The following MTBP variants were observed in gnomAD, a reference collection of about 807,000 sequenced individuals.
MTBP encodes MDM2 binding protein.
Under a neutral mutation model 117.0 loss-of-function variants are expected in MTBP, and 101 were observed. The ratio of observed to expected loss-of-function variants is 0.86; its 90% CI spans 0.73 to 1.02. The LOEUF is 1.02. Ranked by LOEUF, MTBP falls within the 50% of genes least tolerant of loss-of-function variation. The probability of loss-of-function intolerance (pLI) is 0.00; values close to 1 mark genes in which losing one functional copy is unlikely to be tolerated. For missense variants in MTBP, 970 were observed against 1,030.9 expected (o/e 0.94, Z 0.81); for synonymous variants, 350 against 351.5 (o/e 1.00, Z 0.05).
chr8:120,518,880 A>T lies in MTBP; in HGVS notation c.2610+63A>T, dbSNP rs547038561. The T allele has an allele frequency of 1.9e-5, 22 of 1,141,514 alleles. No homozygotes were observed. The East Asian group carries it at 4.9e-4, about 26-fold the overall frequency. The allele number at this position is 1,141,514 out of a possible 1,614,324, so 70.7% of individuals were successfully genotyped here. A position where few individuals can be genotyped will look rare whatever the true frequency, so the allele number is the denominator to read the frequency against. ...ATGTTCTAATGTTCCTGTTTGACAT[A>T]AAAAAAAGTTTGAGTATTTTTTATA... On this transcript the variant is annotated intron_variant, in intron 20 of 21. Transcript: ENST00000305949.
At position 120,470,783 on chromosome 8, in the gene MTBP, A is replaced by G. The variant is rs922477266; in HGVS notation, c.1048-37A>G. On this transcript the variant is annotated intron_variant, in intron 10 of 21. Transcript: ENST00000305949. The stretch of plus-strand genomic sequence containing the variant: ...TGGCACTATTCAAGAATGAATCTCA[A>G]TGTGCAATCAATAAAAATATGGTCT... 2.8e-6 allele frequency: 4 copies of G among 1,406,932 alleles called. No homozygotes were observed. The African/African-American group carries it at 4.3e-5, about 15-fold the overall frequency. 87.2% of individuals were successfully genotyped at this position (1,406,932 alleles called of 1,614,324 possible).
intron 8 of MTBP, among the ~76,000 whole-genome samples, chr8:120,460,940 C>G (rs1187742527): frequency 2.0e-5 from 3 of 152,100 alleles, no homozygotes; most frequent in Non-Finnish European, 4.4e-5. Context: ...GAAAGCTCTT[C>G]CTGGTTACTA....
chr8:120,517,611 TATAGTGGTAACACTATAAC>T (rs202078912), intron 18 of MTBP, among the ~76,000 whole-genome samples: 2,463 of 151,924 alleles, frequency 0.016, 39 homozygotes, highest in Middle Eastern at 0.048. Flanking sequence ...TTATAATGGA[TATAGTGGTAACACTATAAC>T]ATAGTGGTAT....
chr8:120,488,757 A>G (rs1814274942), intron 12 of MTBP, among the ~76,000 whole-genome samples: 1 of 152,086 alleles, frequency 6.6e-6, no homozygotes. Context: ...ATTTGGCTTA[A>G]AAATAGGAGT....
chr8:120,506,719 C>T lies in MTBP; in HGVS notation c.1741C>T (p.Pro581Ser). Reference sequence around the variant, plus strand: ...TTATTTTCCCAGAACTGGTTCATTACCTCATTCATCTGAACAGTTGCTGGG... The same window carrying T: ...TTATTTTCCCAGAACTGGTTCATTATCTCATTCATCTGAACAGTTGCTGGG... The part of the protein sequence containing the change: ...TKQKMRTGSL[P>S]HSSEQLLGHK... Residue 581 changes from proline (P) to serine (S), a missense_variant, in exon 16 of 22, where the codon CCT becomes TCT. By Grantham distance (74) the Pro-to-Ser change is moderately conservative. Transcript: ENST00000305949. The T allele has an allele frequency of 6.2e-7, 1 of 1,606,276 alleles. No homozygotes were observed. The highest frequency in any genetic ancestry group is 2.2e-5 in the East Asian group (1 of 44,646).
At chr8:120,513,635 G>A (rs938865185) in intron 17 of MTBP, among the ~76,000 whole-genome samples, 7 of 151,728 alleles carry the variant, frequency 4.6e-5, no homozygotes, top group East Asian at 3.9e-4. Flanking sequence ...TGTTAAAACC[G>A]GAAGAAAAAA....
At chr8:120,446,808 G>T (rs1248545190) in intron 2 of MTBP, among the ~76,000 whole-genome samples, 1 of 152,114 alleles carries the variant, frequency 6.6e-6, no homozygotes, top group Non-Finnish European at 1.5e-5. Context: ...GTGGCTTTAT[G>T]AGGATGATTT....
intron 16 of MTBP, among the ~76,000 whole-genome samples, chr8:120,507,258 T>C (rs1668569911): frequency 6.6e-6 from 1 of 152,120 alleles, no homozygotes; most frequent in South Asian, 2.1e-4. Flanking sequence ...GCATGCCTAA[T>C]AGTAGCAAAA....
At position 120,502,504 on chromosome 8, in the gene MTBP, T is replaced by G. The variant is rs1166427474; in HGVS notation, c.1622T>G (p.Val541Gly). ...TCTTTCACTTTAGATTTTAGTCCAG[T>G]GGAACCTAATTCCTCAAGTCTAATG... ...TFNILNDFSP[V>G]EPNSSSLMET... The change falls in exon 15 of 22, where the codon GTG becomes GGG. Residue 541 changes from valine (V) to glycine (G), a missense_variant. Coordinates refer to ENST00000305949, the MANE Select transcript of MTBP (RefSeq NM_022045.5). 1 of 1,594,662 alleles carries G rather than the reference T, an allele frequency of 6.3e-7. No homozygotes were observed. The highest frequency in any genetic ancestry group is 1.8e-5 in the Admixed American group (1 of 56,468).
At chr8:120,519,242 T>C (rs1814973975) in intron 20 of MTBP, among the ~76,000 whole-genome samples, 1 of 151,120 alleles carries the variant, frequency 6.6e-6, no homozygotes, top group Non-Finnish European at 1.5e-5. Flanking sequence ...TTAAAAAGTA[T>C]ATGGGAAAAT....
Position 120,464,832 on chromosome 8 carries a change from T to C in MTBP, c.1047+1071T>C, listed in dbSNP as rs374029474. Among the ~76,000 whole-genome samples, 110 of 152,184 alleles carry C rather than the reference T, an allele frequency of 7.2e-4. 1 individual carries two copies. Among genetic ancestry groups the C allele is most frequent in the African/African-American group, 2.5e-3 (105 of 41,556 alleles). ...TTTATCTTTTATCATTTATCCAACA[T>C]ATATTCTACTGTGTATGAGGTACTA... is the stretch of plus-strand genomic sequence containing the variant. On this transcript the variant is annotated intron_variant, in intron 10 of 21. Transcript: ENST00000305949.
At chr8:120,510,738 CA>C (rs964609232) in intron 17 of MTBP, among the ~76,000 whole-genome samples, 4 of 151,132 alleles carry the variant, frequency 2.6e-5, no homozygotes, top group African/African-American at 4.9e-5. Context: ...CCTGTCTCTA[CA>C]AAAAAAATAT....
intron 5 of MTBP, among the ~76,000 whole-genome samples, 187 bp downstream of exon 5, chr8:120,454,092 C>A (rs1052516534): frequency 3.3e-5 from 5 of 152,040 alleles, no homozygotes; most frequent in African/African-American, 9.7e-5. Context: ...TGTAGCAGTT[C>A]TTTTCATTGT....
At position 120,506,865 on chromosome 8, in the gene MTBP, G is replaced by A. The variant is rs780195045; in HGVS notation, c.1883+4G>A. On this transcript the variant is annotated splice_donor_region_variant and intron_variant, in intron 16 of 21. Coordinates refer to ENST00000305949, the MANE Select transcript of MTBP (RefSeq NM_022045.5). ...AACCTTTACCGATTCAAAAGGGGTA[G>A]GTTATAAACTTATAATTTCCAGTTA... The A allele has an allele frequency of 1.9e-6, 3 of 1,569,222 alleles. No individual in the cohort carries two copies. The Admixed American group carries it at 6.4e-5, about 33-fold the overall frequency.
chr8:120,502,954 C>T (rs1237302447), intron 15 of MTBP, among the ~76,000 whole-genome samples: 2 of 152,188 alleles, frequency 1.3e-5, no homozygotes, highest in Non-Finnish European at 2.9e-5. Flanking sequence ...GTACTTGCCT[C>T]ATTTGAACCA....
intron 11 of MTBP, among the ~76,000 whole-genome samples, chr8:120,486,933 G>A (rs757666275): frequency 3.9e-5 from 6 of 152,080 alleles, no homozygotes; most frequent in Non-Finnish European, 5.9e-5. Context: ...TCATTTCACC[G>A]GTTGTGCTTG....
intron 10 of MTBP, among the ~76,000 whole-genome samples, chr8:120,465,206 A>G (rs905853764): frequency 6.6e-6 from 1 of 152,150 alleles, no homozygotes; most frequent in Non-Finnish European, 1.5e-5. Flanking sequence ...GCTTCCTTGT[A>G]TGGATTGAGA....
chr8:120,453,904 TG>T lies in MTBP; in HGVS notation c.484+1del. 1 of 1,552,708 alleles carries T rather than the reference TG, an allele frequency of 6.4e-7. No homozygotes were observed. Among genetic ancestry groups the T allele is most frequent in the East Asian group, 2.3e-5 (1 of 42,992 alleles). On this transcript the variant is annotated frameshift_variant and splice_region_variant, in exon 5 of 22. Coordinates refer to ENST00000305949, the MANE Select transcript of MTBP (RefSeq NM_022045.5). LOFTEE classifies it high-confidence loss of function. ...AGCTGTCAGACAAGCTTCCTGCTCC[TG>T]GTAATATTTTATGACTGCTTTCAAT... is the stretch of plus-strand genomic sequence containing the variant. ...HQLSDKLPAPGRAMVDIILLL... is the reference protein window; with the variant it reads ...HQLSDKLPAPXRAMVDIILLL...
At chr8:120,447,099 C>T (rs1435431947) in intron 2 of MTBP, among the ~76,000 whole-genome samples, 2 of 152,050 alleles carry the variant, frequency 1.3e-5, no homozygotes, top group Non-Finnish European at 1.5e-5. Flanking sequence ...TTCTTTTATT[C>T]CTGCTTCTTG....
Sources: gnomAD v4.1 joint callset for allele counts (sites outside exome capture counted in the v4.1 genomes callset) on GRCh38, gnomAD v4.1.1 for gene constraint, MANE v1.5 for transcripts, NCBI Gene and HGNC (gene_info 2026-07-23, HGNC 2026-07-21) for gene names.